The following SYNPR variants were observed in gnomAD, a reference collection of about 807,000 sequenced individuals.
SYNPR encodes the protein synaptoporin.
A neutral mutation model predicts 32.9 loss-of-function variants in SYNPR; 23 were observed. The ratio of observed to expected loss-of-function variants is 0.70; its 90% CI spans 0.50 to 0.99. The LOEUF is 0.99. Among genes scored for constraint, SYNPR ranks in the 50% least tolerant of loss-of-function variants. SYNPR has a pLI of 0.00. For missense variants in SYNPR, 318 were observed against 349.3 expected (o/e 0.91, Z 0.71); for synonymous variants, 146 against 135.9 (o/e 1.07, Z -0.52).
chr3:63,391,193 T>G (rs1273765322), intron 2 of SYNPR, among the ~76,000 whole-genome samples: 1 of 152,170 alleles, frequency 6.6e-6, no homozygotes, highest in Non-Finnish European at 1.5e-5. Context: ...TATCTACCAC[T>G]CATCCTTCCT....
intron 2 of SYNPR, among the ~76,000 whole-genome samples, chr3:63,316,967 T>G (rs1227799842): frequency 6.6e-6 from 1 of 152,022 alleles, no homozygotes; most frequent in East Asian, 1.9e-4. Context: ...TTTTTAAATT[T>G]CCATCTTGAT....
chr3:63,276,620 T>TTGC (rs1560175989), upstream of SYNPR, among the ~76,000 whole-genome samples: 1 of 142,144 alleles, frequency 7.0e-6, no homozygotes. Flanking sequence ...TAGTGTTAGT[T>TTGC]CCCCCCACCC....
chr3:63,278,208 C>G (rs2086594019), upstream of SYNPR: 2 of 287,760 alleles, frequency 7.0e-6, no homozygotes, highest in African/African-American at 4.4e-5. Context: ...CCTCCTCGCC[C>G]TCCCCTCTGG....
intron 2 of SYNPR, among the ~76,000 whole-genome samples, chr3:63,338,370 A>G (rs986796823): frequency 1.3e-5 from 2 of 152,182 alleles, no homozygotes; most frequent in Non-Finnish European, 2.9e-5. Context: ...TAAAATAGCA[A>G]TGGAAGTCCT....
chr3:63,423,059 TATGGA>T (rs1488885764), intron 2 of SYNPR, among the ~76,000 whole-genome samples: 1 of 152,182 alleles, frequency 6.6e-6, no homozygotes, highest in African/African-American at 2.4e-5. Context: ...TGATAACATC[TATGGA>T]ATAAAAGTGC....
intron 2 of SYNPR, among the ~76,000 whole-genome samples, chr3:63,376,159 T>C (rs1484978670): frequency 6.6e-6 from 1 of 152,180 alleles, no homozygotes; most frequent in Non-Finnish European, 1.5e-5. Context: ...GCCCAAACCA[T>C]TGCCATCTCT....
At position 63,491,682 on chromosome 3, in the gene SYNPR, G is replaced by A. The variant is rs569256744; in HGVS notation, c.209+10726G>A. 2.2e-4 allele frequency among the ~76,000 whole-genome samples: 33 copies of A among 151,974 alleles called. 1 individual carries two copies. In the South Asian group the frequency reaches 5.2e-3, roughly 24 times the overall value. The stretch of plus-strand genomic sequence containing the variant: ...AGTACAGGCACACACCACCATGCCC[G>A]GCTAATTTTTGTATTTTTACTAGAG... On this transcript the variant is annotated intron_variant, in intron 3 of 5. Coordinates refer to ENST00000478300, the MANE Select transcript of SYNPR (RefSeq NM_001130003.2).
chr3:63,258,271 C>A (rs924490134), intron 2 of SYNPR, among the ~76,000 whole-genome samples: 4 of 152,184 alleles, frequency 2.6e-5, no homozygotes, highest in African/African-American at 9.7e-5. Flanking sequence ...AATATACATT[C>A]TTTTAAGCAC....
At chr3:63,210,162 T>C in the SYNPR span, among the ~76,000 whole-genome samples, 4 of 152,218 alleles carry the variant, frequency 2.6e-5, no homozygotes, top group Admixed American at 2.6e-4. Flanking sequence ...ACTATATAGC[T>C]CTAATTCATT....
intron 4 of SYNPR, among the ~76,000 whole-genome samples, chr3:63,577,761 G>A (rs1305130014): frequency 1.3e-5 from 2 of 152,186 alleles, no homozygotes; most frequent in East Asian, 3.9e-4. Context: ...TTCTGTAAAG[G>A]ATTTCTCACC....
chr3:63,207,771 C>T, the SYNPR span, among the ~76,000 whole-genome samples: 1 of 152,090 alleles, frequency 6.6e-6, no homozygotes, highest in Non-Finnish European at 1.5e-5. Flanking sequence ...TTACCATCTG[C>T]TGCATTTTTT....
Position 63,609,190 on chromosome 3 carries a change from A to G in SYNPR, c.474A>G (p.Gly158=). Residue 158 remains glycine (G), a synonymous_variant, in exon 5 of 6, where the codon GGA becomes GGG. Transcript: ENST00000478300. ...TGGGTTCATCAGCTTGGGCAAAAGGACTGTCTGACGTCAAAGTTGCAACGG... is the reference window on the plus strand; with the variant it reads ...TGGGTTCATCAGCTTGGGCAAAAGGGCTGTCTGACGTCAAAGTTGCAACGG... ...WLVGSSAWAK[G]LSDVKVATDP... is the part of the protein sequence containing the mutation. The G allele has an allele frequency of 1.2e-6, 2 of 1,611,362 alleles. No individual in the cohort carries two copies. The highest frequency in any genetic ancestry group is 1.3e-5 in the African/African-American group (1 of 75,000).
At chr3:63,533,640 C>T (rs1702149607) in intron 3 of SYNPR, among the ~76,000 whole-genome samples, 1 of 152,078 alleles carries the variant, frequency 6.6e-6, no homozygotes, top group Non-Finnish European at 1.5e-5. Flanking sequence ...ATACAGGAAA[C>T]AAAGCGGCTC....
intron 4 of SYNPR, among the ~76,000 whole-genome samples, chr3:63,606,417 C>CTTTTTTTTTTTTT (rs61299069): frequency 0.017 from 1,136 of 68,136 alleles, 183 homozygotes; most frequent in Non-Finnish European, 0.02. Context: ...CAAATCCTTT[C>CTTTTTTTTTTTTT]TTTTTTTTTT....
chr3:63,548,494 A>G (rs144180680), intron 3 of SYNPR, among the ~76,000 whole-genome samples: 7 of 152,254 alleles, frequency 4.6e-5, no homozygotes, highest in African/African-American at 1.7e-4. Context: ...GTATGTGTGC[A>G]TCTGTAAATG....
rs529692201 is a variant in SYNPR, at chr3:63,479,757, A to G, written c.85-1075A>G. On this transcript the variant is annotated intron_variant, in intron 2 of 5. Transcript: ENST00000478300. ...AGCAAAATGACCCAGAAGAGTTAAC[A>G]TCAATGCTATTTTTCAGTGAGGAAA... 2.0e-5 allele frequency among the ~76,000 whole-genome samples: 3 copies of G among 152,324 alleles called. No individual in the cohort carries two copies. In the South Asian group the frequency reaches 6.2e-4, roughly 32 times the overall value.
At chr3:63,549,604 C>A (rs1702466763) in intron 3 of SYNPR, among the ~76,000 whole-genome samples, 1 of 152,114 alleles carries the variant, frequency 6.6e-6, no homozygotes, top group Non-Finnish European at 1.5e-5. Flanking sequence ...GAACCTAGCA[C>A]AATGCCTAGG....
chr3:63,554,350 A>C (rs188016017), intron 3 of SYNPR, among the ~76,000 whole-genome samples: 9 of 152,292 alleles, frequency 5.9e-5, no homozygotes, highest in Admixed American at 3.9e-4. Flanking sequence ...GAGGTCTTAC[A>C]TTTATATCTG....
chr3:63,502,270 G>C (rs1224420617), intron 3 of SYNPR, among the ~76,000 whole-genome samples: 2 of 151,980 alleles, frequency 1.3e-5, no homozygotes, highest in East Asian at 3.9e-4. Flanking sequence ...ACAGCAAAAT[G>C]GAGAGGAAAG....
Sources: gnomAD v4.1 joint callset for allele counts (sites outside exome capture counted in the v4.1 genomes callset) on GRCh38, gnomAD v4.1.1 for gene constraint, MANE v1.5 for transcripts, NCBI Gene and HGNC (gene_info 2026-07-23, HGNC 2026-07-21) for gene names.